PRKN: variants seen among roughly 807,000 people sequenced by gnomAD.
PRKN encodes parkin RBR E3 ubiquitin protein ligase, also known as E3 ubiquitin-protein ligase parkin.
In PRKN, 56 loss-of-function variants were observed where a neutral mutation model predicts 59.5. The ratio of observed to expected loss-of-function variants is 0.94; its 90% confidence interval spans 0.76 to 1.18. PRKN has a LOEUF of 1.18. Among genes scored for constraint, PRKN ranks in the 50% most tolerant of loss-of-function variants. PRKN has a pLI of 0.00. For synonymous variants in PRKN, 250 were observed against 222.1 expected, an observed-to-expected ratio of 1.13 and a Z score of -1.12; for missense variants, 657 against 596.4, an observed-to-expected ratio of 1.10 and a Z score of -1.06.
chr6:162,388,237 G>A (rs910242052), intron 2 of PRKN, among the ~76,000 whole-genome samples: 4 of 152,248 alleles, frequency 2.6e-5, no homozygotes, highest in South Asian at 2.1e-4. Context: ...GGCCGAGGAA[G>A]GCGCCTGAGG....
intron 3 of PRKN, among the ~76,000 whole-genome samples, chr6:162,260,443 A>C (rs1459976967): frequency 6.6e-6 from 1 of 152,204 alleles, no homozygotes; most frequent in Non-Finnish European, 1.5e-5. Context: ...AGAGAATATT[A>C]GACATTTAGC....
intron 6 of PRKN, among the ~76,000 whole-genome samples, chr6:161,921,822 T>C (rs759574589): frequency 7.9e-5 from 12 of 152,228 alleles, no homozygotes; most frequent in Non-Finnish European, 1.6e-4. Flanking sequence ...CGTCATCCTC[T>C]GAGCCACTCC....
At chr6:162,236,321 G>A (rs1410807326) in intron 3 of PRKN, among the ~76,000 whole-genome samples, 1 of 152,142 alleles carries the variant, frequency 6.6e-6, no homozygotes, top group Non-Finnish European at 1.5e-5. Context: ...TAAATTTGGT[G>A]AAGGTTCTCT....
chr6:161,608,207 G>T (rs556224953), intron 7 of PRKN, among the ~76,000 whole-genome samples: 1 of 152,118 alleles, frequency 6.6e-6, no homozygotes, highest in Non-Finnish European at 1.5e-5. Context: ...GATTTTTCGT[G>T]ATTATACTAA....
At chr6:161,872,485 A>G (rs1794380607) in intron 6 of PRKN, among the ~76,000 whole-genome samples, 1 of 152,122 alleles carries the variant, frequency 6.6e-6, no homozygotes, top group Non-Finnish European at 1.5e-5. Flanking sequence ...CCCTCATATC[A>G]GACATACCTC....
intron 4 of PRKN, among the ~76,000 whole-genome samples, chr6:162,168,744 C>T (rs1014334579): frequency 1.3e-5 from 2 of 151,908 alleles, no homozygotes; most frequent in African/African-American, 2.4e-5. Flanking sequence ...ATAAATCTTA[C>T]GTACAATCAT....
chr6:162,102,227 C>T (rs1219842830), intron 4 of PRKN, among the ~76,000 whole-genome samples: 2 of 152,062 alleles, frequency 1.3e-5, no homozygotes, highest in African/African-American at 4.8e-5. Flanking sequence ...TGTGTTGTTC[C>T]CCTCCCTGTG....
Position 161,442,129 on chromosome 6 carries a change from G to T in PRKN, c.1084-55252C>A, listed in dbSNP as rs976581428. Among the ~76,000 whole-genome samples, 1 of 152,138 alleles carries T rather than the reference G, an allele frequency of 6.6e-6. No individual in the cohort carries two copies. Among genetic ancestry groups the T allele is most frequent in the East Asian group, 1.9e-4 (1 of 5,194 alleles). ...TAATAAACATACATGTGCCAAGCTG[G>T]CTCTGAATTATTTAAAATTACAGCA... On this transcript the variant is annotated intron_variant, in intron 9 of 11. Transcript: ENST00000366898. The surrounding 1 kb of genome is among the most constrained non-coding windows in gnomAD (Gnocchi z 4.6).
Position 161,444,170 on chromosome 6 carries a change from A to G in PRKN, c.1084-57293T>C, listed in dbSNP as rs7771517. Among the ~76,000 whole-genome samples, 21,835 of 152,036 alleles carry G rather than the reference A, an allele frequency of 0.14. 1,759 individuals are homozygous for G. Among genetic ancestry groups the G allele is most frequent in the African/African-American group, 0.2 (8,150 of 41,480 alleles). On this transcript the variant is annotated intron_variant, in intron 9 of 11. Coordinates refer to ENST00000366898, the MANE Select transcript of PRKN (RefSeq NM_004562.3). This position sits in a 1 kb window ranked among gnomAD's most constrained non-coding sequence, Gnocchi z 5.6. Reference sequence around the variant, plus strand: ...CCAGCGGGTGGGAGCTGCAGATACCACTTCTCCAGGACCCATCCCAGGGCA... The same window carrying G: ...CCAGCGGGTGGGAGCTGCAGATACCGCTTCTCCAGGACCCATCCCAGGGCA...
chr6:162,558,904 A>C (rs563758228), intron 1 of PRKN, among the ~76,000 whole-genome samples: 1 of 152,076 alleles, frequency 6.6e-6, no homozygotes, highest in African/African-American at 2.4e-5. Context: ...AGCCTCCCGA[A>C]GTGCTAGGAT....
intron 7 of PRKN, chr6:161,716,192 T>A: frequency 1.3e-6 from 1 of 778,876 alleles, no homozygotes; most frequent in South Asian, 1.4e-5. Flanking sequence ...ACCTTGTATC[T>A]GATGCTCTTT....
Position 161,578,759 on chromosome 6 carries a change from A to C in PRKN, c.872-9343T>G, listed in dbSNP as rs1332262045. 6.6e-6 allele frequency among the ~76,000 whole-genome samples: 1 copy of C among 152,260 alleles called. No homozygotes were observed. The highest frequency in any genetic ancestry group is 2.4e-5 in the African/African-American group (1 of 41,478). On this transcript the variant is annotated intron_variant, in intron 7 of 11. Transcript: ENST00000366898. This position sits in a 1 kb window ranked among gnomAD's most constrained non-coding sequence, Gnocchi z 4.2. ...TGTGGTCATTTGGGAGGTTTGAGAC[A>C]GAGGACAAGGTAGAACATGCAGTAA...
intron 1 of PRKN, among the ~76,000 whole-genome samples, chr6:162,624,852 G>A (rs1245456339): frequency 1.3e-5 from 2 of 152,152 alleles, no homozygotes; most frequent in Non-Finnish European, 2.9e-5. Context: ...AACACAGCAG[G>A]GATGTGGTAA....
Position 161,460,897 on chromosome 6 carries a change from G to A in PRKN, c.1084-74020C>T, listed in dbSNP as rs6941063. Reference sequence around the variant, plus strand: ...CCCAAGTAGCTGGGACTACAGGTACGCACCACCACGCCCAGCTAATTTTTC... The same window carrying A: ...CCCAAGTAGCTGGGACTACAGGTACACACCACCACGCCCAGCTAATTTTTC... On this transcript the variant is annotated intron_variant, in intron 9 of 11. Coordinates refer to ENST00000366898, the MANE Select transcript of PRKN (RefSeq NM_004562.3). This position sits in a 1 kb window ranked among gnomAD's most constrained non-coding sequence, Gnocchi z 5.0. Among the ~76,000 whole-genome samples the A allele has an allele frequency of 1.3e-5, 2 of 151,076 alleles. No homozygotes were observed. Among genetic ancestry groups the A allele is most frequent in the South Asian group, 2.1e-4 (1 of 4,764 alleles).
chr6:162,039,285 G>C (rs1783971099), intron 5 of PRKN, among the ~76,000 whole-genome samples: 1 of 152,066 alleles, frequency 6.6e-6, no homozygotes, highest in Admixed American at 6.5e-5. Flanking sequence ...ACTCTACTTC[G>C]GATGCTTTGA....
In PRKN at chr6:162,329,928, C is replaced by T. The variant is rs577750628; in HGVS notation, c.172-67163G>A. 6.9e-4 allele frequency among the ~76,000 whole-genome samples: 105 copies of T among 152,196 alleles called. 1 individual carries two copies. The highest frequency in any genetic ancestry group is 2.4e-3 in the African/African-American group (100 of 41,516). ...GATCATCTTGTCGGCCTATCAGAAA[C>T]GGTATCCAATCTACAACATCACAGC... On this transcript the variant is annotated intron_variant, in intron 2 of 11. Coordinates refer to ENST00000366898, the MANE Select transcript of PRKN (RefSeq NM_004562.3).
chr6:161,586,642 TC>T (rs1781532582), intron 7 of PRKN, among the ~76,000 whole-genome samples: 1 of 152,254 alleles, frequency 6.6e-6, no homozygotes, highest in Non-Finnish European at 1.5e-5. Flanking sequence ...GGGTAGAATA[TC>T]CTTGCATTCT....
chr6:162,539,355 A>C (rs1562367333), intron 1 of PRKN, among the ~76,000 whole-genome samples: 2 of 152,182 alleles, frequency 1.3e-5, no homozygotes, highest in Non-Finnish European at 2.9e-5. Context: ...CTGACCAATG[A>C]TATTTCATAA....
chr6:162,090,174 G>A (rs1779421472), intron 4 of PRKN, among the ~76,000 whole-genome samples: 2 of 152,124 alleles, frequency 1.3e-5, no homozygotes, highest in Admixed American at 1.3e-4. Flanking sequence ...ACAGGTGTGT[G>A]TGTGTGTATC....
Sources: allele counts gnomAD v4.1 joint callset (sites outside exome capture counted in the v4.1 genomes callset), GRCh38; gene constraint gnomAD v4.1.1; non-coding constraint Gnocchi (gnomAD v3.1); transcripts MANE v1.5; gene names NCBI Gene and HGNC (gene_info 2026-07-23, HGNC 2026-07-21).